HCN1: variants seen among roughly 807,000 people sequenced by gnomAD.
The protein encoded by HCN1 is hyperpolarization activated cyclic nucleotide gated potassium channel 1, also known as potassium/sodium hyperpolarization-activated cyclic nucleotide-gated channel 1.
In HCN1, 13 loss-of-function variants were observed where a neutral mutation model predicts 78.9. That is an observed-to-expected ratio of 0.16 (90% CI 0.11 to 0.26). HCN1 has a LOEUF of 0.26. Ranked by LOEUF, HCN1 falls within the 10% of genes least tolerant of loss-of-function variation. The probability of loss-of-function intolerance (pLI) is 1.00; values close to 1 mark genes in which losing one functional copy is unlikely to be tolerated. For synonymous variants in HCN1, 552 were observed against 455.5 expected, an observed-to-expected ratio of 1.21 and a Z score of -2.70; for missense variants, 810 against 1,154.3, an observed-to-expected ratio of 0.70 and a Z score of 4.32.
intron 2 of HCN1, among the ~76,000 whole-genome samples, chr5:45,513,740 G>A (rs1287185935): frequency 6.6e-6 from 1 of 152,104 alleles, no homozygotes. Flanking sequence ...TGAAACCATT[G>A]CCCCACCCCT....
chr5:45,377,617 A>G (rs1433411133), intron 4 of HCN1, among the ~76,000 whole-genome samples: 1 of 151,972 alleles, frequency 6.6e-6, no homozygotes, highest in Non-Finnish European at 1.5e-5. Context: ...TGAGAAGGCA[A>G]GAAATGCAAA....
At chr5:45,577,687 A>G (rs185523858) in intron 2 of HCN1, among the ~76,000 whole-genome samples, 1 of 152,168 alleles carries the variant, frequency 6.6e-6, no homozygotes, top group Non-Finnish European at 1.5e-5. Flanking sequence ...TATATAAAGA[A>G]ATATATGCAA....
At chr5:45,658,995 G>A (rs963150762) in intron 1 of HCN1, among the ~76,000 whole-genome samples, 1 of 150,066 alleles carries the variant, frequency 6.7e-6, no homozygotes, top group Non-Finnish European at 1.5e-5. Context: ...TCCACCTCTG[G>A]GGGCAGGGCA....
intron 2 of HCN1, among the ~76,000 whole-genome samples, chr5:45,613,605 C>T (rs1744886194): frequency 6.6e-6 from 1 of 151,794 alleles, no homozygotes; most frequent in African/African-American, 2.4e-5. Context: ...CCAGCCATCC[C>T]ATTACTGGGT....
intron 4 of HCN1, among the ~76,000 whole-genome samples, chr5:45,396,245 A>AT (rs1190468247): frequency 6.6e-6 from 1 of 152,242 alleles, no homozygotes; most frequent in South Asian, 2.1e-4. Context: ...ATATATAGCT[A>AT]TTTTTTCTGT....
intron 4 of HCN1, among the ~76,000 whole-genome samples, chr5:45,371,681 C>T (rs1466339112): frequency 4.0e-5 from 6 of 149,032 alleles, no homozygotes; most frequent in African/African-American, 9.9e-5. Flanking sequence ...CACTTGAACC[C>T]GGGAGGCGAA....
At chr5:45,339,461 T>C (rs1004185613) in intron 5 of HCN1, among the ~76,000 whole-genome samples, 1 of 152,148 alleles carries the variant, frequency 6.6e-6, no homozygotes, top group Admixed American at 6.5e-5. Context: ...CAGGAAATTG[T>C]CAATAATACT....
chr5:45,494,020 T>G (rs1201537755), intron 2 of HCN1, among the ~76,000 whole-genome samples: 1 of 152,182 alleles, frequency 6.6e-6, no homozygotes, highest in African/African-American at 2.4e-5. Context: ...TTTGGCTTGG[T>G]TCCAAGTCTT....
At chr5:45,298,201 T>A (rs771569578) in intron 6 of HCN1, among the ~76,000 whole-genome samples, 3 of 152,042 alleles carry the variant, frequency 2.0e-5, no homozygotes, top group Non-Finnish European at 2.9e-5. Context: ...ATTTATCCAT[T>A]CATGGATTAA....
At chr5:45,660,340 T>A (rs1267766909) in intron 1 of HCN1, among the ~76,000 whole-genome samples, 7 of 111,188 alleles carry the variant, frequency 6.3e-5, no homozygotes, top group East Asian at 2.6e-4. Context: ...TACCAGCCGC[T>A]GCAAAATCAT....
intron 4 of HCN1, among the ~76,000 whole-genome samples, chr5:45,386,738 T>C (rs1215273435): frequency 6.6e-6 from 1 of 152,180 alleles, no homozygotes; most frequent in Non-Finnish European, 1.5e-5. Context: ...TATTTTATAT[T>C]CTCATTGGAA....
At chr5:45,442,431 A>G (rs1740696054) in intron 3 of HCN1, among the ~76,000 whole-genome samples, 2 of 151,986 alleles carry the variant, frequency 1.3e-5, no homozygotes, top group East Asian at 1.9e-4. Flanking sequence ...CTGGCTCTAA[A>G]TCTGGCTTGC....
intron 6 of HCN1, among the ~76,000 whole-genome samples, chr5:45,284,944 T>C (rs1436922806): frequency 1.3e-5 from 2 of 152,084 alleles, no homozygotes; most frequent in Non-Finnish European, 1.5e-5. Flanking sequence ...AGGTCAATTC[T>C]ATTAAACTCT....
At chr5:45,409,292 C>T (rs1236951267) in intron 3 of HCN1, among the ~76,000 whole-genome samples, 1 of 151,958 alleles carries the variant, frequency 6.6e-6, no homozygotes, top group African/African-American at 2.4e-5. Flanking sequence ...ATGTTCATAG[C>T]ACGTTTTGCT....
chr5:45,372,230 ATATATTATATTTT>A, intron 4 of HCN1, among the ~76,000 whole-genome samples: 1 of 73,626 alleles, frequency 1.4e-5, no homozygotes, highest in African/African-American at 6.2e-5. Flanking sequence ...TATATATAAT[ATATATTATATTTT>A]ATATATAATA....
intron 2 of HCN1, among the ~76,000 whole-genome samples, chr5:45,540,326 ATTT>A (rs34797116): frequency 1.4e-5 from 2 of 143,716 alleles, no homozygotes; most frequent in Middle Eastern, 3.6e-3. Flanking sequence ...TATTTTACTG[ATTT>A]TTTTTTTTTT....
chr5:45,357,286 G>C (rs1747023258), intron 4 of HCN1, among the ~76,000 whole-genome samples: 1 of 152,024 alleles, frequency 6.6e-6, no homozygotes, highest in Admixed American at 6.6e-5. Flanking sequence ...ACTCCATATA[G>C]AATTCTAGGT....
chr5:45,444,588 T>TTC (rs1178785749), intron 3 of HCN1, among the ~76,000 whole-genome samples: 1 of 152,140 alleles, frequency 6.6e-6, no homozygotes, highest in Admixed American at 6.5e-5. Flanking sequence ...CCTTGTTTTT[T>TTC]TCTGAATCTC....
chr5:45,322,114 A>G (rs1361688015), intron 5 of HCN1, among the ~76,000 whole-genome samples: 1 of 151,910 alleles, frequency 6.6e-6, no homozygotes, highest in Non-Finnish European at 1.5e-5. Context: ...ATTCCGTGAC[A>G]TAGTCACAAA....
Sources: gnomAD v4.1 joint callset for allele counts (sites outside exome capture counted in the v4.1 genomes callset) on GRCh38, gnomAD v4.1.1 for gene constraint, MANE v1.5 for transcripts, NCBI Gene and HGNC (gene_info 2026-07-23, HGNC 2026-07-21) for gene names.